Variants in NIM1K observed in about 807,000 individuals in gnomAD.
NIM1K encodes the protein NIM1 serine/threonine protein kinase.
In NIM1K, 35 loss-of-function variants were observed where a neutral mutation model predicts 37.1. The ratio of observed to expected loss-of-function variants is 0.94; its 90% confidence interval spans 0.72 to 1.25. The LOEUF (loss-of-function observed/expected upper bound fraction) is 1.25, where lower values mean the gene tolerates loss of function less well. Ranked by LOEUF, NIM1K falls within the 50% of genes most tolerant of loss-of-function variation. The probability of loss-of-function intolerance (pLI) is 0.00; values close to 1 mark genes in which losing one functional copy is unlikely to be tolerated. For synonymous variants in NIM1K, 234 were observed against 206.6 expected (o/e 1.13, Z -1.14); for missense variants, 564 against 548.0 (o/e 1.03, Z -0.29).
intron 2 of NIM1K, among the ~76,000 whole-genome samples, chr5:43,248,505 TG>T (rs1175987214): frequency 6.6e-6 from 1 of 151,944 alleles, no homozygotes; most frequent in Non-Finnish European, 1.5e-5. Context: ...CTGAGCTAGG[TG>T]GATGTCAGTC....
At chr5:43,251,559 G>A (rs1330826174) in intron 2 of NIM1K, among the ~76,000 whole-genome samples, 1 of 152,222 alleles carries the variant, frequency 6.6e-6, no homozygotes. Flanking sequence ...GTACTCACAT[G>A]TATTGAGTAC....
At chr5:43,263,927 G>A (rs1012018468) in intron 2 of NIM1K, among the ~76,000 whole-genome samples, 2 of 152,096 alleles carry the variant, frequency 1.3e-5, no homozygotes, top group Admixed American at 6.6e-5. Flanking sequence ...GTAGTTGAGT[G>A]GTTTTGAGTG....
intron 2 of NIM1K, among the ~76,000 whole-genome samples, chr5:43,263,549 T>A (rs535539256): frequency 1.2e-4 from 18 of 150,546 alleles, no homozygotes; most frequent in African/African-American, 4.4e-4. Flanking sequence ...GTTGATCTTT[T>A]CAAAAAAAAA....
intron 1 of NIM1K, among the ~76,000 whole-genome samples, chr5:43,203,377 G>C (rs1200790830): frequency 6.6e-6 from 1 of 152,222 alleles, no homozygotes; most frequent in Non-Finnish European, 1.5e-5. Context: ...TTTTGTGCCA[G>C]TCACCGAGTT....
chr5:43,273,209 T>C (rs1249685387), intron 2 of NIM1K, among the ~76,000 whole-genome samples: 2 of 151,754 alleles, frequency 1.3e-5, no homozygotes, highest in African/African-American at 4.8e-5. Context: ...GCTTTTTTTT[T>C]TTTCTTTTTT....
At chr5:43,196,392 G>T (rs1213335625) in intron 1 of NIM1K, among the ~76,000 whole-genome samples, 1 of 152,080 alleles carries the variant, frequency 6.6e-6, no homozygotes, top group African/African-American at 2.4e-5. Flanking sequence ...ACTTTGGGAG[G>T]CCGAGGTGGG....
At chr5:43,213,383 G>T (rs866385702) in intron 1 of NIM1K, among the ~76,000 whole-genome samples, 1 of 148,990 alleles carries the variant, frequency 6.7e-6, no homozygotes, top group African/African-American at 2.5e-5. Flanking sequence ...AGGCTGGAGC[G>T]CAGCGGCACG....
chr5:43,256,174 T>C lies in NIM1K; in HGVS notation c.292+10107T>C, dbSNP rs545868508. On this transcript the variant is annotated intron_variant, in intron 2 of 3. Coordinates refer to ENST00000326035, the MANE Select transcript of NIM1K (RefSeq NM_153361.4). Reference sequence around the variant, plus strand: ...GAGTGACATGATCTGGCTTATGCTTTAACAGTATCACTCTGGCAGCTTTGT... The same window carrying C: ...GAGTGACATGATCTGGCTTATGCTTCAACAGTATCACTCTGGCAGCTTTGT... 3.9e-5 allele frequency among the ~76,000 whole-genome samples: 6 copies of C among 152,262 alleles called. No homozygotes were observed. In the South Asian group the frequency reaches 1.0e-3, roughly 26 times the overall value.
rs373567777 is a variant in NIM1K, at chr5:43,204,148, G to A, written c.-695+11737G>A. 4.2e-4 allele frequency among the ~76,000 whole-genome samples: 50 copies of A among 118,038 alleles called. No individual in the cohort carries two copies. In the East Asian group the frequency reaches 0.013, roughly 30 times the overall value. The allele number at this position is 118,038 out of a possible 152,430, so 77.4% of individuals were successfully genotyped here. On this transcript the variant is annotated intron_variant, in intron 1 of 3. Transcript: ENST00000326035. ...GGCCCAGGCTGGAGTGCAGTGGCTC[G>A]ATCTCAGCTCACTGCAACCTCCGCT... is the stretch of plus-strand genomic sequence containing the variant.
intron 1 of NIM1K, among the ~76,000 whole-genome samples, chr5:43,220,293 CTTTT>C (rs70994613): frequency 1.5e-5 from 2 of 130,418 alleles, no homozygotes; most frequent in Non-Finnish European, 3.2e-5. Flanking sequence ...GTGGGTATCT[CTTTT>C]TTTTTTTTTT....
rs1753362749 is a variant in NIM1K at position 43,277,441 on chromosome 5, A to T, written c.561+116A>T. 8 of 1,090,542 alleles carry T rather than the reference A, an allele frequency of 7.3e-6. No homozygotes were observed. The Admixed American group carries it at 1.7e-4, about 23-fold the overall frequency. 67.6% of individuals were successfully genotyped at this position (1,090,542 alleles called of 1,614,324 possible). ...AGGGCTTTTGTCCTACAAAGCAGAC[A>T]GTAGTCCCTTCTGAGAGTCAGAAGT... On this transcript the variant is annotated intron_variant, in intron 3 of 3. Coordinates refer to ENST00000326035, the MANE Select transcript of NIM1K (RefSeq NM_153361.4).
At position 43,199,343 on chromosome 5, in the gene NIM1K, A is replaced by T. The variant is rs1300653506; in HGVS notation, c.-695+6932A>T. Among the ~76,000 whole-genome samples, 4 of 151,596 alleles carry T rather than the reference A, an allele frequency of 2.6e-5. No homozygotes were observed. In the East Asian group the frequency reaches 7.7e-4, roughly 29 times the overall value. On this transcript the variant is annotated intron_variant, in intron 1 of 3. Transcript: ENST00000326035. ...TAATGACTAGTCTTCTAAGTTAGGT[A>T]CGCTTTGGCCTGCAGTTAACTAAAG... is the stretch of plus-strand genomic sequence containing the variant.
At chr5:43,278,148 C>T (rs570665668) in intron 3 of NIM1K, among the ~76,000 whole-genome samples, 3 of 151,584 alleles carry the variant, frequency 2.0e-5, no homozygotes, top group East Asian at 3.9e-4. Flanking sequence ...CGGGTTCAAG[C>T]GATTCTCCTG....
chr5:43,240,499 T>C (rs539482327), intron 1 of NIM1K: 12 of 151,654 alleles, frequency 7.9e-5, no homozygotes, highest in African/African-American at 2.7e-4. Flanking sequence ...CTTCACCAGA[T>C]GCAATAACTC....
chr5:43,198,195 C>A (rs1199282290), intron 1 of NIM1K, among the ~76,000 whole-genome samples: 2 of 53,498 alleles, frequency 3.7e-5, no homozygotes, highest in African/African-American at 7.4e-5. Context: ...TTCTTTCTTT[C>A]TTTCTTTCTT....
chr5:43,196,908 G>A (rs1751925566), intron 1 of NIM1K, among the ~76,000 whole-genome samples: 1 of 150,242 alleles, frequency 6.7e-6, no homozygotes, highest in South Asian at 2.1e-4. Context: ...GAGTAGCTGG[G>A]GCTATAGGTG....
chr5:43,213,212 TCTTTCTTTC>T (rs771129105), intron 1 of NIM1K, among the ~76,000 whole-genome samples: 1,765 of 64,636 alleles, frequency 0.027, 63 homozygotes, highest in African/African-American at 0.065. Context: ...TTTCTTTCTT[TCTTTCTTTC>T]TTTCCTTCTT....
intron 1 of NIM1K, among the ~76,000 whole-genome samples, chr5:43,198,217 CTTTCTT>C (rs1561070051): frequency 1.2e-4 from 10 of 86,772 alleles, no homozygotes; most frequent in Non-Finnish European, 1.5e-4. Flanking sequence ...CTCTTTCTTT[CTTTCTT>C]TCTTTCTTTC....
chr5:43,230,283 A>G (rs913927559), intron 1 of NIM1K, among the ~76,000 whole-genome samples: 7 of 151,966 alleles, frequency 4.6e-5, no homozygotes, highest in Non-Finnish European at 8.8e-5. Context: ...TTCTCAGCAC[A>G]TGGCTTCCAT....
Sources: gnomAD v4.1 joint callset for allele counts (sites outside exome capture counted in the v4.1 genomes callset) on GRCh38, gnomAD v4.1.1 for gene constraint, MANE v1.5 for transcripts, NCBI Gene and HGNC (gene_info 2026-07-23, HGNC 2026-07-21) for gene names.